SH3RF3: variants seen among roughly 807,000 people sequenced by gnomAD.
SH3RF3 encodes the protein SH3 domain containing ring finger 3, also known as E3 ubiquitin-protein ligase SH3RF3.
A neutral mutation model predicts 66.3 loss-of-function variants in SH3RF3; 29 were observed. The observed-to-expected ratio is 0.44, with a 90% confidence interval of 0.33 to 0.60. SH3RF3 has a LOEUF of 0.60. Ranked by LOEUF, SH3RF3 falls within the 20% of genes least tolerant of loss-of-function variation. The probability of loss-of-function intolerance (pLI) is 0.04; values close to 1 mark genes in which losing one functional copy is unlikely to be tolerated. For synonymous variants in SH3RF3, 583 were observed against 532.0 expected, an observed-to-expected ratio of 1.10 and a Z score of -1.32; for missense variants, 1,194 against 1,190.9, an observed-to-expected ratio of 1.00 and a Z score of -0.04.
intron 5 of SH3RF3, among the ~76,000 whole-genome samples, chr2:109,426,033 G>T (rs188381079): frequency 2.3e-4 from 35 of 152,318 alleles, no homozygotes; most frequent in African/African-American, 7.0e-4. Flanking sequence ...CGGTAGCTGG[G>T]ATTACAGGCG....
intron 1 of SH3RF3, among the ~76,000 whole-genome samples, chr2:109,285,510 G>A (rs1681011944): frequency 6.6e-6 from 1 of 152,216 alleles, no homozygotes. Context: ...GTGCATGCTG[G>A]GGCACTTGGA....
At chr2:109,142,116 A>G (rs1391792887) in intron 1 of SH3RF3, among the ~76,000 whole-genome samples, 1 of 151,464 alleles carries the variant, frequency 6.6e-6, no homozygotes, top group Admixed American at 6.6e-5. Flanking sequence ...CCCCACCCTG[A>G]GTCACCTACC....
At chr2:109,406,549 A>G (rs1381162106) in intron 4 of SH3RF3, among the ~76,000 whole-genome samples, 4 of 152,120 alleles carry the variant, frequency 2.6e-5, no homozygotes, top group Admixed American at 6.5e-5. Flanking sequence ...GACACCAACA[A>G]ACACCAGGCT....
chr2:109,495,114 G>A (rs1224093924), intron 9 of SH3RF3, among the ~76,000 whole-genome samples: 1 of 152,216 alleles, frequency 6.6e-6, no homozygotes, highest in Non-Finnish European at 1.5e-5. Context: ...CCTTCCAAGA[G>A]GACCTCATCT....
At chr2:109,348,125 T>C (rs1024692965) in intron 2 of SH3RF3, among the ~76,000 whole-genome samples, 176 bp downstream of exon 2, 3 of 151,956 alleles carry the variant, frequency 2.0e-5, no homozygotes, top group African/African-American at 7.3e-5. Context: ...ATGAATGGGG[T>C]GATGGTTTTT....
chr2:109,180,561 A>T (rs1430237247), intron 1 of SH3RF3, among the ~76,000 whole-genome samples: 2 of 152,140 alleles, frequency 1.3e-5, no homozygotes, highest in East Asian at 3.9e-4. Flanking sequence ...GAGATAATTG[A>T]ATCATGGGGG....
chr2:109,356,863 C>T (rs563608464), intron 2 of SH3RF3, among the ~76,000 whole-genome samples: 7 of 152,122 alleles, frequency 4.6e-5, no homozygotes, highest in African/African-American at 1.2e-4. Context: ...GACATGATCA[C>T]GGCCCCCACA....
rs1175837111 is a variant in SH3RF3 at position 109,503,073 on chromosome 2, T to C, written c.*1402T>C. 5 of 152,140 alleles carry C rather than the reference T, an allele frequency of 3.3e-5. No individual in the cohort carries two copies. Among genetic ancestry groups the C allele is most frequent in the Admixed American group, 6.5e-5 (1 of 15,278 alleles). The allele number at this position is 152,140 out of a possible 1,614,324, so 9.4% of individuals were successfully genotyped here. On this transcript the variant is annotated 3_prime_UTR_variant, in exon 10 of 10. Coordinates refer to ENST00000309415, the MANE Select transcript of SH3RF3 (RefSeq NM_001099289.3). The stretch of plus-strand genomic sequence containing the variant: ...CCTCCCTGAGTGGGGCTGATGAATG[T>C]ATATTCATTAGCACCATGGCTCACT...
chr2:109,307,939 A>C (rs1472317999), intron 1 of SH3RF3, among the ~76,000 whole-genome samples: 1 of 132,516 alleles, frequency 7.5e-6, no homozygotes, highest in Non-Finnish European at 1.6e-5. Context: ...GTATATACCC[A>C]GTAATGGGAT....
intron 1 of SH3RF3, among the ~76,000 whole-genome samples, chr2:109,259,480 T>C (rs531671090): frequency 6.6e-6 from 1 of 152,224 alleles, no homozygotes; most frequent in Non-Finnish European, 1.5e-5. Context: ...GTTGGTGGAC[T>C]AGAGTCCTTG....
At chr2:109,256,368 T>C (rs1680221429) in intron 1 of SH3RF3, among the ~76,000 whole-genome samples, 1 of 152,178 alleles carries the variant, frequency 6.6e-6, no homozygotes, top group Non-Finnish European at 1.5e-5. Flanking sequence ...GTTGACAGTG[T>C]GTCATTAGGG....
chr2:109,437,190 G>A (rs1677430006), intron 7 of SH3RF3, 44 bp downstream of exon 7: 5 of 1,561,682 alleles, frequency 3.2e-6, no homozygotes, highest in African/African-American at 1.4e-5. Context: ...CAACAAGGGG[G>A]CTTCCTGGGA....
intron 1 of SH3RF3, chr2:109,251,752 T>TC: frequency 1.7e-6 from 1 of 604,974 alleles, no homozygotes; most frequent in East Asian, 2.8e-5. Context: ...AGACTTTTTG[T>TC]TAAATAAACT....
At chr2:109,222,676 C>T (rs1679283023) in intron 1 of SH3RF3, among the ~76,000 whole-genome samples, 1 of 152,230 alleles carries the variant, frequency 6.6e-6, no homozygotes, top group Non-Finnish European at 1.5e-5. Context: ...CTGGCCAGGC[C>T]TTCCCTGTAC....
At chr2:109,246,802 C>T (rs929135829) in intron 1 of SH3RF3, among the ~76,000 whole-genome samples, 17 of 152,192 alleles carry the variant, frequency 1.1e-4, no homozygotes, top group Non-Finnish European at 4.4e-5. Flanking sequence ...AGTTGAACTG[C>T]AGTCGGATGC....
intron 1 of SH3RF3, among the ~76,000 whole-genome samples, chr2:109,146,881 T>TTC (rs1558925561): frequency 1.3e-4 from 1 of 7,812 alleles, no homozygotes; most frequent in Non-Finnish European, 2.1e-4. Context: ...TCTTCTTTTT[T>TTC]CCCTCCCCCC....
rs1275172648 is a variant in SH3RF3, at chr2:109,130,103, C to T, written c.563C>T (p.Pro188Leu). The part of the protein sequence containing the change: ...LRELATSRTA[P>L]AAKNPCLLPY... ...GAGCTGGCGACCAGCAGGACCGCGC[C>T]GGCGGCAAAGGTGAGTATCTGTCTC... Residue 188 changes from proline (P) to leucine (L), a missense_variant, in exon 1 of 10, where the codon CCG becomes CTG. Transcript: ENST00000309415. The T allele has an allele frequency of 3.0e-6, 4 of 1,333,556 alleles. No individual in the cohort carries two copies. Among genetic ancestry groups the T allele is most frequent in the Admixed American group, 3.9e-5 (1 of 25,636 alleles). 82.6% of individuals were successfully genotyped at this position (1,333,556 alleles called of 1,614,324 possible). A position where few individuals can be genotyped will look rare whatever the true frequency, so the allele number is the denominator to read the frequency against.
chr2:109,501,806 C>T lies in SH3RF3; in HGVS notation c.*135C>T, dbSNP rs1428548991. The T allele has an allele frequency of 3.3e-6, 2 of 612,566 alleles. No individual in the cohort carries two copies. Among genetic ancestry groups the T allele is most frequent in the Non-Finnish European group, 5.8e-6 (2 of 342,464 alleles). The allele number at this position is 612,566 out of a possible 1,614,324, so 37.9% of individuals were successfully genotyped here. ...GCACCTGGCGGGGGATACCCTGGCC[C>T]AGGGTGGGGGCCAGGGACTGTGGAG... On this transcript the variant is annotated 3_prime_UTR_variant, in exon 10 of 10. Coordinates refer to ENST00000309415, the MANE Select transcript of SH3RF3 (RefSeq NM_001099289.3).
At chr2:109,318,050 C>A (rs1681928086) in intron 1 of SH3RF3, among the ~76,000 whole-genome samples, 1 of 150,058 alleles carries the variant, frequency 6.7e-6, no homozygotes, top group Non-Finnish European at 1.5e-5. Flanking sequence ...CATCGTGATC[C>A]TTTCTCTCCT....
Sources: allele counts gnomAD v4.1 joint callset (sites outside exome capture counted in the v4.1 genomes callset), GRCh38; gene constraint gnomAD v4.1.1; transcripts MANE v1.5; gene names NCBI Gene and HGNC (gene_info 2026-07-23, HGNC 2026-07-21).